Variants in LINGO2 observed in about 807,000 individuals in gnomAD.
LINGO2 encodes leucine rich repeat and Ig domain containing 2.
A neutral mutation model predicts 30.6 loss-of-function variants in LINGO2; 14 were observed. The observed-to-expected ratio is 0.46, with a 90% CI of 0.30 to 0.72. The LOEUF is 0.72. Among genes scored for constraint, LINGO2 ranks in the 30% least tolerant of loss-of-function variants. LINGO2 has a pLI of 0.07. For synonymous variants in LINGO2, 317 were observed against 288.5 expected (o/e 1.10, Z -1.00); for missense variants, 729 against 751.7 (o/e 0.97, Z 0.35).
At chr9:28,822,815 T>G in the LINGO2 span, among the ~76,000 whole-genome samples, 3 of 152,154 alleles carry the variant, frequency 2.0e-5, no homozygotes, top group African/African-American at 7.2e-5. Flanking sequence ...TCTATCCTAT[T>G]AGTTCTGTCC....
chr9:28,509,371 C>A (rs964357887), intron 1 of LINGO2, among the ~76,000 whole-genome samples: 1 of 152,186 alleles, frequency 6.6e-6, no homozygotes, highest in African/African-American at 2.4e-5. Context: ...ATTCCTGTAG[C>A]CTTCTGCTTT....
At chr9:28,764,322 G>A in the LINGO2 span, among the ~76,000 whole-genome samples, 2 of 151,698 alleles carry the variant, frequency 1.3e-5, no homozygotes, top group Non-Finnish European at 2.9e-5. Context: ...ACCAACTGGG[G>A]TTTATTTCTG....
intron 4 of LINGO2, among the ~76,000 whole-genome samples, chr9:28,055,711 A>G (rs905974869): frequency 2.0e-5 from 3 of 152,188 alleles, no homozygotes; most frequent in Non-Finnish European, 4.4e-5. Context: ...CTGTTACTTA[A>G]AATTCTTTAA....
the LINGO2 span, among the ~76,000 whole-genome samples, chr9:29,181,679 G>T: frequency 6.6e-6 from 1 of 152,084 alleles, no homozygotes; most frequent in South Asian, 2.1e-4. Context: ...AGTACATCAA[G>T]AAATAGACTT....
chr9:28,648,288 G>C (rs1827934045), intron 1 of LINGO2, among the ~76,000 whole-genome samples: 2 of 152,076 alleles, frequency 1.3e-5, no homozygotes, highest in South Asian at 4.2e-4. Flanking sequence ...TTACGAGAGA[G>C]CATAGACTAT....
At chr9:28,016,702 C>T (rs577557154) in intron 4 of LINGO2, among the ~76,000 whole-genome samples, 1 of 138,492 alleles carries the variant, frequency 7.2e-6, no homozygotes, top group Non-Finnish European at 1.5e-5. Context: ...AAAAAAAAAG[C>T]CTACCAACCC....
At chr9:28,680,951 A>C in the LINGO2 span, among the ~76,000 whole-genome samples, 3 of 152,020 alleles carry the variant, frequency 2.0e-5, no homozygotes, top group African/African-American at 7.2e-5. Flanking sequence ...AGTTTTATAT[A>C]ACACCATTAG....
At chr9:28,915,662 T>G in the LINGO2 span, among the ~76,000 whole-genome samples, 1 of 152,212 alleles carries the variant, frequency 6.6e-6, no homozygotes. Flanking sequence ...ACATGAAGAA[T>G]GCTGGTCACT....
At chr9:28,524,265 A>C (rs2135408518) in intron 1 of LINGO2, among the ~76,000 whole-genome samples, 1 of 152,310 alleles carries the variant, frequency 6.6e-6, no homozygotes, top group African/African-American at 2.4e-5. Context: ...ATACACACAA[A>C]AATGAGCTAA....
chr9:28,409,715 G>C (rs537793560), intron 2 of LINGO2, among the ~76,000 whole-genome samples: 1 of 151,618 alleles, frequency 6.6e-6, no homozygotes, highest in Non-Finnish European at 1.5e-5. Flanking sequence ...ATAATGTCCA[G>C]GTTATTATCT....
intron 1 of LINGO2, among the ~76,000 whole-genome samples, chr9:28,578,845 G>A (rs1337802643): frequency 6.6e-6 from 1 of 152,028 alleles, no homozygotes; most frequent in African/African-American, 2.4e-5. Flanking sequence ...TTCATGGTTG[G>A]TTTAAATGCA....
rs146367322 is a variant in LINGO2 at position 28,610,564 on chromosome 9, C to T, written c.-365+59636G>A. 3.6e-3 allele frequency among the ~76,000 whole-genome samples: 555 copies of T among 152,298 alleles called. 2 individuals carry two copies. Among genetic ancestry groups the T allele is most frequent in the African/African-American group, 0.013 (529 of 41,550 alleles). ...GGTATGCCCTTCTGCCCCTCTGTTC[C>T]TTCCACTACCTGTGAACACAGCATT... On this transcript the variant is annotated intron_variant, in intron 1 of 5. Transcript: ENST00000379992.
chr9:28,282,799 T>C (rs920489494), intron 4 of LINGO2, among the ~76,000 whole-genome samples: 1 of 152,172 alleles, frequency 6.6e-6, no homozygotes, highest in Non-Finnish European at 1.5e-5. Context: ...GTGCTTCAGA[T>C]TTGCTAGTAA....
rs535540092 is a variant in LINGO2, at chr9:28,448,453, C to T, written c.-279+27487G>A. ...TTGAACTCTTACTGATAAGACAAAACGCATGCAAAAGAAGACGTTTGTTAA... is the reference window on the plus strand; with the variant it reads ...TTGAACTCTTACTGATAAGACAAAATGCATGCAAAAGAAGACGTTTGTTAA... On this transcript the variant is annotated intron_variant, in intron 2 of 5. Coordinates refer to ENST00000379992, the Ensembl canonical transcript of LINGO2. Among the ~76,000 whole-genome samples, 113 of 152,128 alleles carry T rather than the reference C, an allele frequency of 7.4e-4. No homozygotes were observed. The Middle Eastern group carries it at 0.037, about 50-fold the overall frequency.
the LINGO2 span, among the ~76,000 whole-genome samples, chr9:28,784,769 T>C: frequency 6.6e-6 from 1 of 151,958 alleles, no homozygotes; most frequent in African/African-American, 2.4e-5. Context: ...CTGGCCAACA[T>C]GGTGAAACCC....
the LINGO2 span, among the ~76,000 whole-genome samples, chr9:28,749,599 T>G: frequency 6.6e-6 from 1 of 151,776 alleles, no homozygotes; most frequent in African/African-American, 2.4e-5. Context: ...TCAGCATTTA[T>G]AAAAAAAATT....
At chr9:28,729,795 C>T in the LINGO2 span, among the ~76,000 whole-genome samples, 1 of 151,984 alleles carries the variant, frequency 6.6e-6, no homozygotes, top group Non-Finnish European at 1.5e-5. Context: ...AAAGAGTTCA[C>T]ACAATTCAAA....
the LINGO2 span, among the ~76,000 whole-genome samples, chr9:28,795,979 T>G: frequency 1.2e-5 from 1 of 84,812 alleles, no homozygotes; most frequent in Non-Finnish European, 2.4e-5. Flanking sequence ...TGGCCAGTAC[T>G]AGATACACAC....
intron 2 of LINGO2, among the ~76,000 whole-genome samples, chr9:28,426,225 A>G (rs1271700139): frequency 3.9e-5 from 6 of 152,064 alleles, no homozygotes; most frequent in Admixed American, 3.3e-4. Flanking sequence ...AAAATGATAA[A>G]TAGCACATCC....
Sources: allele counts gnomAD v4.1 joint callset (sites outside exome capture counted in the v4.1 genomes callset), GRCh38; gene constraint gnomAD v4.1.1; transcripts MANE v1.5; gene names NCBI Gene and HGNC (gene_info 2026-07-23, HGNC 2026-07-21).